The following FETUB variants were observed in gnomAD, a reference collection of about 807,000 sequenced individuals.
The protein encoded by FETUB is fetuin B.
In FETUB, 28 loss-of-function variants were observed where a neutral mutation model predicts 30.9. The observed-to-expected ratio is 0.90, with a 90% CI of 0.67 to 1.24. The LOEUF (loss-of-function observed/expected upper bound fraction) is 1.24, where lower values mean the gene tolerates loss of function less well. Ranked by LOEUF, FETUB falls within the 50% of genes most tolerant of loss-of-function variation. The probability of loss-of-function intolerance (pLI) is 0.00; values close to 1 mark genes in which losing one functional copy is unlikely to be tolerated. For missense variants in FETUB, 469 were observed against 455.3 expected, an observed-to-expected ratio of 1.03 and a Z score of -0.27; for synonymous variants, 186 against 175.9, an observed-to-expected ratio of 1.06 and a Z score of -0.45.
upstream of FETUB, among the ~76,000 whole-genome samples, chr3:186,639,672 A>G (rs1716894311): frequency 1.3e-5 from 2 of 151,276 alleles, no homozygotes; most frequent in South Asian, 4.2e-4. Flanking sequence ...AAAAAAAAAA[A>G]AAGAAGGCAA....
intron 5 of FETUB, among the ~76,000 whole-genome samples, chr3:186,650,595 A>G (rs1044327114): frequency 6.6e-6 from 1 of 152,160 alleles, no homozygotes; most frequent in Non-Finnish European, 1.5e-5. Flanking sequence ...AGAGTTATAA[A>G]GTAATATATA....
Position 186,652,740 on chromosome 3 carries a change from C to T in FETUB, c.*109C>T, listed in dbSNP as rs557347356. On this transcript the variant is annotated 3_prime_UTR_variant, in exon 7 of 7. Coordinates refer to ENST00000265029, the MANE Select transcript of FETUB (RefSeq NM_014375.3). Reference sequence around the variant, plus strand: ...CACACGTAGAGTGGCTAGTGAAGGACGCCTTTTTGACTCTTCTTGGTCTCA... The same window carrying T: ...CACACGTAGAGTGGCTAGTGAAGGATGCCTTTTTGACTCTTCTTGGTCTCA... The T allele has an allele frequency of 4.6e-5, 61 of 1,339,182 alleles. 1 individual carries two copies. Among genetic ancestry groups the T allele is most frequent in the South Asian group, 3.0e-4 (20 of 66,924 alleles). The allele number at this position is 1,339,182 out of a possible 1,614,324, so 83.0% of individuals were successfully genotyped here.
At chr3:186,651,468 A>G in intron 6 of FETUB, 167 bp downstream of exon 6, 4 of 617,218 alleles carry the variant, frequency 6.5e-6, no homozygotes, top group Non-Finnish European at 1.2e-5. Flanking sequence ...AAGACCTGTT[A>G]TGCCTTGTTT....
chr3:186,645,305 G>C (rs972702658), intron 4 of FETUB, among the ~76,000 whole-genome samples: 24 of 152,136 alleles, frequency 1.6e-4, no homozygotes, highest in African/African-American at 5.1e-4. Flanking sequence ...TGAATTTTAT[G>C]GATTAGGGAA....
chr3:186,637,025 GC>G (rs139016300), upstream of FETUB, among the ~76,000 whole-genome samples: 355 of 152,240 alleles, frequency 2.3e-3, 1 homozygote, highest in African/African-American at 7.9e-3. Context: ...GCAAACCCTG[GC>G]TGTAAGACCT....
intron 2 of FETUB, 181 bp from the exon 3 acceptor site, chr3:186,642,290 G>C (rs181428734): frequency 1.8e-6 from 1 of 570,412 alleles, no homozygotes; most frequent in Non-Finnish European, 3.1e-6. Flanking sequence ...TATTCTAGCT[G>C]TGTCCTAGGG....
chr3:186,643,876 CA>C (rs1717273866), intron 3 of FETUB, among the ~76,000 whole-genome samples: 1 of 152,182 alleles, frequency 6.6e-6, no homozygotes, highest in Admixed American at 6.5e-5. Context: ...CAGCTCCTCC[CA>C]AACAGAAATC....
chr3:186,640,530 C>G lies in FETUB; in HGVS notation c.70C>G (p.Leu24Val). ...LCCGAMSPPQ[L>V]ALNPSALLSR... The stretch of plus-strand genomic sequence containing the variant: ...CTGCGGAGCAATGTCTCCACCCCAG[C>G]TGGCCCTCAACCCCTCGGCTCTGCT... Residue 24 changes from leucine to valine, a missense_variant, in exon 1 of 7, where the codon CTG becomes GTG. Transcript: ENST00000265029. 1.2e-6 allele frequency: 2 copies of G among 1,614,218 alleles called. No homozygotes were observed. The highest frequency in any genetic ancestry group is 1.7e-6 in the Non-Finnish European group (2 of 1,180,028).
chr3:186,643,799 T>C (rs568164189), intron 3 of FETUB, among the ~76,000 whole-genome samples: 60 of 152,268 alleles, frequency 3.9e-4, no homozygotes, highest in African/African-American at 1.4e-3. Context: ...AAACAATGTG[T>C]TTGCTCTGCA....
At chr3:186,640,868 T>C (rs1194782425) in intron 1 of FETUB, among the ~76,000 whole-genome samples, 162 bp from the exon 2 acceptor site, 1 of 152,220 alleles carries the variant, frequency 6.6e-6, no homozygotes, top group Admixed American at 6.5e-5. Flanking sequence ...AAACAAGTGT[T>C]AACAGTGATC....
chr3:186,639,418 A>G (rs888493312), upstream of FETUB, among the ~76,000 whole-genome samples: 2 of 152,146 alleles, frequency 1.3e-5, no homozygotes, highest in Non-Finnish European at 2.9e-5. Flanking sequence ...ACAGGAAGGA[A>G]GAGAAGGGCT....
At chr3:186,636,169 C>T (rs1716767039), upstream of FETUB, 1 of 152,332 alleles carries the variant, frequency 6.6e-6, no homozygotes. Context: ...TCGGGAGCTG[C>T]TTCCCTGAGA....
Position 186,652,250 on chromosome 3 carries a change from G to C in FETUB, c.781-13G>C. On this transcript the variant is annotated splice_polypyrimidine_tract_variant and intron_variant, in intron 6 of 6. Coordinates refer to ENST00000265029, the MANE Select transcript of FETUB (RefSeq NM_014375.3). Reference sequence around the variant, plus strand: ...CCTGTGGAACTCTACATTCAAAAATGTTCTCATTCCAGGCTCCAGCCACTG... The same window carrying C: ...CCTGTGGAACTCTACATTCAAAAATCTTCTCATTCCAGGCTCCAGCCACTG... 1 of 1,533,548 alleles carries C rather than the reference G, an allele frequency of 6.5e-7. No homozygotes were observed. 95.0% of individuals were successfully genotyped at this position (1,533,548 alleles called of 1,614,324 possible). A position where few individuals can be genotyped will look rare whatever the true frequency, so the allele number is the denominator to read the frequency against.
At chr3:186,640,784 T>G in intron 1 of FETUB, 99 bp downstream of exon 1, 1 of 995,874 alleles carries the variant, frequency 1.0e-6, no homozygotes, top group East Asian at 2.4e-5. Context: ...AGGTGTTTTC[T>G]GTATTGGAAG....
chr3:186,650,971 A>AT (rs1024571893), intron 5 of FETUB, among the ~76,000 whole-genome samples: 3 of 152,298 alleles, frequency 2.0e-5, no homozygotes, highest in South Asian at 2.1e-4. Context: ...AACACAAAGA[A>AT]TTTTTTTAAC....
chr3:186,642,517 G>C lies in FETUB; in HGVS notation c.383G>C (p.Arg128Thr). Reference sequence around the variant, plus strand: ...ATATTTTATATGAACAACCCAAGTAGAGTTCTCTATTTAGCTGCTTATAAC... The same window carrying C: ...ATATTTTATATGAACAACCCAAGTACAGTTCTCTATTTAGCTGCTTATAAC... ...KAIFYMNNPS[R>T]VLYLAAYNCT... Residue 128 changes from arginine to threonine, a missense_variant, in exon 3 of 7, where the codon AGA becomes ACA. Physicochemically the swap from Arg to Thr is moderately conservative, Grantham distance 71. Transcript: ENST00000265029. 1.2e-6 allele frequency: 2 copies of C among 1,610,398 alleles called. No homozygotes were observed. The highest frequency in any genetic ancestry group is 1.7e-6 in the Non-Finnish European group (2 of 1,177,142).
upstream of FETUB, among the ~76,000 whole-genome samples, chr3:186,637,510 G>C (rs1026761038): frequency 1.3e-5 from 2 of 152,204 alleles, no homozygotes; most frequent in Non-Finnish European, 2.9e-5. Flanking sequence ...ATCTCTCCCT[G>C]TTCTCAAATC....
chr3:186,644,646 G>T, intron 3 of FETUB, 105 bp from the exon 4 acceptor site: 1 of 767,602 alleles, frequency 1.3e-6, no homozygotes, highest in Non-Finnish European at 2.1e-6. Context: ...TATTCCAGGG[G>T]TATATTCCAG....
At chr3:186,642,234 G>A (rs954795868) in intron 2 of FETUB, 7 of 463,796 alleles carry the variant, frequency 1.5e-5, no homozygotes, top group Non-Finnish European at 2.7e-5. Context: ...CCTGTGGTTA[G>A]AACTCAATTA....
Sources: allele counts gnomAD v4.1 joint callset (sites outside exome capture counted in the v4.1 genomes callset), GRCh38; gene constraint gnomAD v4.1.1; transcripts MANE v1.5; gene names NCBI Gene and HGNC (gene_info 2026-07-23, HGNC 2026-07-21).